The following CTNNBL1 variants were observed in gnomAD, a reference collection of about 807,000 sequenced individuals.
CTNNBL1 encodes the protein beta-catenin-like protein 1.
In CTNNBL1, 31 loss-of-function variants were observed where a neutral mutation model predicts 72.7. That is an observed-to-expected ratio of 0.43 (90% CI 0.32 to 0.58). The LOEUF (loss-of-function observed/expected upper bound fraction) is 0.58, where lower values mean the gene tolerates loss of function less well. CTNNBL1 is among the 20% of genes least tolerant of loss of function. The pLI, the probability that CTNNBL1 is intolerant of heterozygous loss-of-function variation, is 0.08. For missense variants in CTNNBL1, 534 were observed against 725.1 expected (o/e 0.74, Z 3.03); for synonymous variants, 240 against 267.3 (o/e 0.90, Z 1.00).
intron 13 of CTNNBL1, among the ~76,000 whole-genome samples, chr20:37,853,743 T>G (rs935810896): frequency 6.6e-6 from 1 of 152,236 alleles, no homozygotes; most frequent in African/African-American, 2.4e-5. Context: ...TGCCCACACT[T>G]TCTCACTTTC....
At chr20:37,784,727 G>A (rs2073657076) in intron 10 of CTNNBL1, among the ~76,000 whole-genome samples, 1 of 152,086 alleles carries the variant, frequency 6.6e-6, no homozygotes, top group Non-Finnish European at 1.5e-5. Flanking sequence ...TATTTTAATA[G>A]GTTCATCTTT....
intron 5 of CTNNBL1, among the ~76,000 whole-genome samples, chr20:37,760,592 T>C (rs143189494): frequency 6.6e-6 from 1 of 152,366 alleles, no homozygotes; most frequent in African/African-American, 2.4e-5. Context: ...CATTTACCAA[T>C]TCTGTGTCCT....
chr20:37,867,920 GCAGTGGATGAGCACTAGGC>G (rs2072549905), intron 15 of CTNNBL1, among the ~76,000 whole-genome samples: 1 of 152,174 alleles, frequency 6.6e-6, no homozygotes, highest in Non-Finnish European at 1.5e-5. Flanking sequence ...GCTTCCCCGG[GCAGTGGATGAGCACTAGGC>G]CAGTGGATGA....
In CTNNBL1 at chr20:37,702,678, T is replaced by G. The variant is rs528923093; in HGVS notation, c.30+8526T>G. Among the ~76,000 whole-genome samples, 6 of 152,304 alleles carry G rather than the reference T, an allele frequency of 3.9e-5. No individual in the cohort carries two copies. The South Asian group carries it at 1.2e-3, about 32-fold the overall frequency. On this transcript the variant is annotated intron_variant, in intron 1 of 15. Coordinates refer to ENST00000361383, the MANE Select transcript of CTNNBL1 (RefSeq NM_030877.5). ...CTCATGAGTGATTTTTTTCCTTAAGTTCACTTCCTCCCTCTGCGTTCTTCT... is the reference window on the plus strand; with the variant it reads ...CTCATGAGTGATTTTTTTCCTTAAGGTCACTTCCTCCCTCTGCGTTCTTCT...
intron 1 of CTNNBL1, among the ~76,000 whole-genome samples, chr20:37,703,021 T>C (rs1482831941): frequency 6.6e-6 from 1 of 152,234 alleles, no homozygotes; most frequent in Non-Finnish European, 1.5e-5. Flanking sequence ...ATACTTCAGT[T>C]GCTTAATCAT....
chr20:37,792,324 G>A (rs544039234), intron 10 of CTNNBL1, among the ~76,000 whole-genome samples: 9 of 151,712 alleles, frequency 5.9e-5, no homozygotes, highest in African/African-American at 2.2e-4. Flanking sequence ...CTTTCTCTCT[G>A]TGTGTTTGTG....
At chr20:37,794,586 A>G (rs896103725) in intron 10 of CTNNBL1, among the ~76,000 whole-genome samples, 2 of 151,010 alleles carry the variant, frequency 1.3e-5, no homozygotes, top group African/African-American at 4.9e-5. Context: ...TCTTCCTCCC[A>G]GGTTCAAGCG....
At chr20:37,855,521 A>G (rs1600531405) in intron 13 of CTNNBL1, among the ~76,000 whole-genome samples, 3 of 152,198 alleles carry the variant, frequency 2.0e-5, no homozygotes. Flanking sequence ...TGTTCAAGAC[A>G]TCTCTGTTGA....
At chr20:37,801,565 G>A (rs1215200322) in intron 10 of CTNNBL1, among the ~76,000 whole-genome samples, 1 of 152,056 alleles carries the variant, frequency 6.6e-6, no homozygotes, top group African/African-American at 2.4e-5. Flanking sequence ...AATAGTTTAT[G>A]TTTTTTAATT....
chr20:37,822,925 A>G (rs1200125991), intron 11 of CTNNBL1, among the ~76,000 whole-genome samples: 1 of 152,252 alleles, frequency 6.6e-6, no homozygotes, highest in African/African-American at 2.4e-5. Context: ...CAGATTTTGC[A>G]GGCCCTTAGT....
chr20:37,773,909 C>CTTTTT (rs1176688817), intron 7 of CTNNBL1, among the ~76,000 whole-genome samples: 108 of 104,634 alleles, frequency 1.0e-3, no homozygotes, highest in African/African-American at 3.1e-3. Context: ...TTCTTTCTCT[C>CTTTTT]TTTTTTTTTT....
At chr20:37,715,899 C>T (rs2072982081) in intron 1 of CTNNBL1, among the ~76,000 whole-genome samples, 1 of 152,072 alleles carries the variant, frequency 6.6e-6, no homozygotes, top group South Asian at 2.1e-4. Flanking sequence ...GGAGATTCAC[C>T]CACAGAGGAA....
intron 9 of CTNNBL1, among the ~76,000 whole-genome samples, chr20:37,778,350 A>G (rs951521180): frequency 5.9e-5 from 9 of 152,206 alleles, no homozygotes; most frequent in African/African-American, 2.2e-4. Flanking sequence ...TAAAATCTTA[A>G]GAGTGTTGGG....
At chr20:37,757,133 G>A (rs1192994044) in intron 4 of CTNNBL1, 4 of 153,522 alleles carry the variant, frequency 2.6e-5, no homozygotes, top group African/African-American at 9.7e-5. Context: ...AGACTCCTTG[G>A]TGAACATCAG....
At chr20:37,761,630 G>A (rs888159432) in intron 5 of CTNNBL1, among the ~76,000 whole-genome samples, 1 of 152,256 alleles carries the variant, frequency 6.6e-6, no homozygotes, top group Non-Finnish European at 1.5e-5. Context: ...ATAGCTGTGA[G>A]CAAGCCTGAC....
At chr20:37,767,451 T>C (rs948022005) in intron 6 of CTNNBL1, among the ~76,000 whole-genome samples, 1 of 152,188 alleles carries the variant, frequency 6.6e-6, no homozygotes, top group African/African-American at 2.4e-5. Flanking sequence ...TTTTGTTCAA[T>C]TAAAAAGACC....
At chr20:37,833,195 TC>T (rs1398029588) in intron 11 of CTNNBL1, among the ~76,000 whole-genome samples, 1 of 152,184 alleles carries the variant, frequency 6.6e-6, no homozygotes, top group Non-Finnish European at 1.5e-5. Flanking sequence ...ATCAGAGATT[TC>T]TAGCCCTCCT....
At chr20:37,871,596 C>T (rs138207245) in intron 15 of CTNNBL1, among the ~76,000 whole-genome samples, 398 of 152,192 alleles carry the variant, frequency 2.6e-3, no homozygotes, top group African/African-American at 9.1e-3. Context: ...GCCTTCGATG[C>T]GTTGAGGATG....
At chr20:37,846,124 A>G (rs2072344978) in intron 13 of CTNNBL1, among the ~76,000 whole-genome samples, 1 of 152,214 alleles carries the variant, frequency 6.6e-6, no homozygotes, top group Admixed American at 6.5e-5. Flanking sequence ...GTGGTGCCGC[A>G]GACAAGGGCT....
Sources: allele counts gnomAD v4.1 joint callset (sites outside exome capture counted in the v4.1 genomes callset), GRCh38; gene constraint gnomAD v4.1.1; transcripts MANE v1.5; gene names NCBI Gene and HGNC (gene_info 2026-07-23, HGNC 2026-07-21).